OVGP1: variants seen among roughly 807,000 people sequenced by gnomAD.
OVGP1 encodes the protein oviductal glycoprotein 1.
In OVGP1, 26 loss-of-function variants were observed where a neutral mutation model predicts 48.2. The observed-to-expected ratio is 0.54, with a 90% CI of 0.40 to 0.75. The LOEUF is 0.75. Among genes scored for constraint, OVGP1 ranks in the 30% least tolerant of loss-of-function variants. OVGP1 has a pLI of 0.00. For missense variants in OVGP1, 791 were observed against 820.6 expected (o/e 0.96, Z 0.44); for synonymous variants, 294 against 305.7 (o/e 0.96, Z 0.40).
intron 2 of OVGP1, 115 bp downstream of exon 2, chr1:111,426,947 A>C: frequency 6.3e-7 from 1 of 1,584,718 alleles, no homozygotes; most frequent in Non-Finnish European, 8.6e-7. Flanking sequence ...GTGTTGGATC[A>C]ATAATCCCTG....
At position 111,424,278 on chromosome 1, in the gene OVGP1, C is replaced by T. The variant is rs1169785730; in HGVS notation, c.318-570G>A. ...GATCCTGATCCTGTGTTCTTTTGTTCGTTTTTTGTTTGATATTTTTCTATT... is the reference window on the plus strand; with the variant it reads ...GATCCTGATCCTGTGTTCTTTTGTTTGTTTTTTGTTTGATATTTTTCTATT... On this transcript the variant is annotated intron_variant, in intron 4 of 10. Transcript: ENST00000369732. Among the ~76,000 whole-genome samples the T allele has an allele frequency of 5.3e-5, 8 of 152,270 alleles. No homozygotes were observed. The South Asian group carries it at 8.3e-4, about 16-fold the overall frequency.
chr1:111,414,396 G>A lies in OVGP1; in HGVS notation c.*68C>T. On this transcript the variant is annotated 3_prime_UTR_variant, in exon 11 of 11. Coordinates refer to ENST00000369732, the MANE Select transcript of OVGP1 (RefSeq NM_002557.4). ...TGATGCCTGCTTTGCCCCGGGATGAGAAGGCTTCCAACATGTCACTTAGAA... is the reference window on the plus strand; with the variant it reads ...TGATGCCTGCTTTGCCCCGGGATGAAAAGGCTTCCAACATGTCACTTAGAA... 7.1e-7 allele frequency: 1 copy of A among 1,416,346 alleles called. No individual in the cohort carries two copies. The highest frequency in any genetic ancestry group is 9.6e-7 in the Non-Finnish European group (1 of 1,046,610). 87.7% of individuals were successfully genotyped at this position (1,416,346 alleles called of 1,614,324 possible). A position where few individuals can be genotyped will look rare whatever the true frequency, so the allele number is the denominator to read the frequency against.
chr1:111,423,222 A>T (rs1485168214), intron 5 of OVGP1, among the ~76,000 whole-genome samples, 171 bp from the exon 6 acceptor site: 1 of 152,130 alleles, frequency 6.6e-6, no homozygotes, highest in Non-Finnish European at 1.5e-5. Context: ...ATGAGGGCTG[A>T]TGTGGTTAAT....
At chr1:111,419,530 T>A (rs1419093) in intron 9 of OVGP1, 80 bp downstream of exon 9, 24 of 830,234 alleles carry the variant, frequency 2.9e-5, no homozygotes, top group Non-Finnish European at 4.7e-5. Context: ...CCAATACACA[T>A]ACATGCATTG....
intron 9 of OVGP1, among the ~76,000 whole-genome samples, chr1:111,417,245 C>T (rs999557201): frequency 1.3e-5 from 2 of 152,210 alleles, no homozygotes; most frequent in Non-Finnish European, 2.9e-5. Context: ...AAATTCATTT[C>T]CTTATCTCAC....
At chr1:111,415,444 C>T (rs1652110309) in intron 10 of OVGP1, 100 bp from the exon 11 acceptor site, 2 of 1,068,764 alleles carry the variant, frequency 1.9e-6, no homozygotes, top group Non-Finnish European at 2.7e-6. Flanking sequence ...GAAGTACCTG[C>T]TCCAAAAATT....
chr1:111,423,287 A>G (rs895187971), intron 5 of OVGP1, among the ~76,000 whole-genome samples: 3 of 152,210 alleles, frequency 2.0e-5, no homozygotes. Context: ...ATTCAGACAG[A>G]CACTGCCTAA....
chr1:111,427,021 G>A, intron 2 of OVGP1, 41 bp downstream of exon 2: 1 of 1,613,972 alleles, frequency 6.2e-7, no homozygotes, highest in Non-Finnish European at 8.5e-7. Context: ...CTCAGCCAGA[G>A]ACTCTCCCTG....
chr1:111,416,312 C>T lies in OVGP1; in HGVS notation c.1156+11G>A, dbSNP rs377588271. 42 of 1,564,516 alleles carry T rather than the reference C, an allele frequency of 2.7e-5. No homozygotes were observed. The highest frequency in any genetic ancestry group is 3.6e-5 in the Non-Finnish European group (41 of 1,149,288). On this transcript the variant is annotated intron_variant, in intron 10 of 10. Coordinates refer to ENST00000369732, the MANE Select transcript of OVGP1 (RefSeq NM_002557.4). ...ACTTCCAACCCCAGCTTCTAGGTCA[C>T]AGCTACTTACCAGCCCGCACCAGGA... is the stretch of plus-strand genomic sequence containing the variant.
chr1:111,426,340 G>A lies in OVGP1; in HGVS notation c.260+97C>T, dbSNP rs1652396447. On this transcript the variant is annotated intron_variant, in intron 3 of 10. Coordinates refer to ENST00000369732, the MANE Select transcript of OVGP1 (RefSeq NM_002557.4). Reference sequence around the variant, plus strand: ...ATTTGAGAGGAAGGTAGGACTGGAAGAAATAGAAGAAAGTTGAAGAGTAAC... The same window carrying A: ...ATTTGAGAGGAAGGTAGGACTGGAAAAAATAGAAGAAAGTTGAAGAGTAAC... The A allele has an allele frequency of 1.9e-6, 3 of 1,553,056 alleles. No homozygotes were observed. The African/African-American group carries it at 4.1e-5, about 21-fold the overall frequency.
chr1:111,420,402 T>C (rs1652237861), intron 8 of OVGP1, among the ~76,000 whole-genome samples: 1 of 152,166 alleles, frequency 6.6e-6, no homozygotes, highest in Admixed American at 6.5e-5. Context: ...CCAGCACTCA[T>C]AAAAATGCTT....
rs1437331400 is a variant in OVGP1 at position 111,414,630 on chromosome 1, GA to G, written c.1870del (p.Ser624ProfsTer13). 3 of 1,614,056 alleles carry G rather than the reference GA, an allele frequency of 1.9e-6. No individual in the cohort carries two copies. The African/African-American group carries it at 4.0e-5, about 22-fold the overall frequency. ...TTCCGGGAGCTGGATGACGGGGCTG[GA>G]GGACAGCATCATCCTGTTTTCAGCT... is the stretch of plus-strand genomic sequence containing the variant. ...MEAENRMMLS[S>X]SPVIQLPEQT... On this transcript the variant is annotated frameshift_variant, in exon 11 of 11. Coordinates refer to ENST00000369732, the MANE Select transcript of OVGP1 (RefSeq NM_002557.4). LOFTEE classifies it low-confidence loss of function (END_TRUNC).
Position 111,414,782 on chromosome 1 carries a change from C to A in OVGP1, c.1719G>T (p.Lys573Asn). ...ATATGTTTCTGGAGGGGACAGTCAC[C>A]TTTTCACGGGCCACAGCCTTCCTTC... ...APRRKAVARE[K>N]VTVPSRNISV... The change falls in exon 11 of 11, where the codon AAG (lysine) becomes AAT (asparagine). Residue 573 changes from lysine to asparagine, a missense_variant. Physicochemically the swap from Lys to Asn is moderately conservative, Grantham distance 94. Coordinates refer to ENST00000369732, the MANE Select transcript of OVGP1 (RefSeq NM_002557.4). The A allele has an allele frequency of 1.2e-6, 2 of 1,605,520 alleles. No homozygotes were observed. The highest frequency in any genetic ancestry group is 1.7e-6 in the Non-Finnish European group (2 of 1,173,812).
chr1:111,423,826 G>A (rs1411259403), intron 4 of OVGP1, 118 bp from the exon 5 acceptor site: 4 of 973,782 alleles, frequency 4.1e-6, no homozygotes, highest in Non-Finnish European at 4.6e-6. Flanking sequence ...TGGAGGAAAG[G>A]AAGGCAGATT....
chr1:111,420,348 C>A (rs1338861549), intron 8 of OVGP1, among the ~76,000 whole-genome samples: 1 of 152,196 alleles, frequency 6.6e-6, no homozygotes, highest in African/African-American at 2.4e-5. Flanking sequence ...AAGGGTCTGT[C>A]TATCAAAGCT....
Position 111,414,498 on chromosome 1 carries a change from AT to A in OVGP1, c.2002del (p.Ile668SerfsTer29). The A allele has an allele frequency of 6.2e-7, 1 of 1,613,482 alleles. No homozygotes were observed. The highest frequency in any genetic ancestry group is 8.5e-7 in the Non-Finnish European group (1 of 1,179,674). On this transcript the variant is annotated frameshift_variant, in exon 11 of 11. Coordinates refer to ENST00000369732, the MANE Select transcript of OVGP1 (RefSeq NM_002557.4). LOFTEE classifies it high-confidence loss of function. ...TTCATCCACAGCAGAGTTTTCTGGG[AT>A]TTCTTTTTTTAGAGAAAGAGGACTT... Reference protein sequence around the residue: ...QTSPLSLKKEIPENSAVDEEA With the variant: ...QTSPLSLKKEXPENSAVDEEA
In OVGP1 at chr1:111,415,008, C is replaced by A; in HGVS notation, c.1493G>T (p.Gly498Val). 1.9e-6 allele frequency: 3 copies of A among 1,610,978 alleles called. No individual in the cohort carries two copies. Among genetic ancestry groups the A allele is most frequent in the South Asian group, 1.1e-5 (1 of 90,838 alleles). ...CTGTCCAGTGGTCACAGATTGATGACCCACAGGGGTCAGGGCCTTCTCTCC... is the reference window on the plus strand; with the variant it reads ...CTGTCCAGTGGTCACAGATTGATGAACCACAGGGGTCAGGGCCTTCTCTCC... The part of the protein sequence containing the change: ...TPGEKALTPV[G>V]HQSVTTGQKT... The change falls in exon 11 of 11, where the codon GGT (glycine) becomes GTT (valine). Residue 498 changes from glycine (G) to valine (V), a missense_variant. Physicochemically the swap from Gly to Val is moderately radical, Grantham distance 109 (BLOSUM62 -3). Transcript: ENST00000369732.
intron 1 of OVGP1, 86 bp from the exon 2 acceptor site, chr1:111,427,177 G>A (rs888478940): frequency 1.2e-6 from 2 of 1,602,244 alleles, no homozygotes; most frequent in Admixed American, 1.7e-5. Flanking sequence ...ATTAGCAAGG[G>A]TGCCCACCAA....
intron 3 of OVGP1, 100 bp from the exon 4 acceptor site, chr1:111,425,539 C>T (rs1202826461): frequency 6.4e-7 from 1 of 1,570,092 alleles, no homozygotes. Context: ...AAACAGGAAA[C>T]AGGAGAGATG....
Sources: allele counts gnomAD v4.1 joint callset (sites outside exome capture counted in the v4.1 genomes callset), GRCh38; gene constraint gnomAD v4.1.1; transcripts MANE v1.5; gene names NCBI Gene and HGNC (gene_info 2026-07-23, HGNC 2026-07-21).